ETS1: variants seen among roughly 807,000 people sequenced by gnomAD.
ETS1 encodes the protein ETS proto-oncogene 1, transcription factor.
In ETS1, 15 loss-of-function variants were observed where a neutral mutation model predicts 58.6. That is an observed-to-expected ratio of 0.26 (90% confidence interval 0.17 to 0.39). ETS1 has a LOEUF of 0.39. Ranked by LOEUF, ETS1 falls within the 10% of genes least tolerant of loss-of-function variation. The pLI, the probability that ETS1 is intolerant of heterozygous loss-of-function variation, is 1.00. For synonymous variants in ETS1, 214 were observed against 218.2 expected (o/e 0.98, Z 0.17); for missense variants, 417 against 610.5 (o/e 0.68, Z 3.34).
intron 3 of ETS1, among the ~76,000 whole-genome samples, chr11:128,531,298 G>A (rs974183350): frequency 3.3e-5 from 5 of 152,174 alleles, no homozygotes; most frequent in Non-Finnish European, 5.9e-5. Flanking sequence ...TCACAGAGTT[G>A]AACTGAGATG....
chr11:128,577,953 TCTAAG>T (rs1444083215), intron 1 of ETS1, among the ~76,000 whole-genome samples: 1 of 150,178 alleles, frequency 6.7e-6, no homozygotes, highest in African/African-American at 2.4e-5. Context: ...AAGATGCTTC[TCTAAG>T]CACCCTCATC....
intron 4 of ETS1, 89 bp from the exon 5 acceptor site, chr11:128,489,579 A>G (rs1862739870): frequency 4.0e-6 from 4 of 996,276 alleles, no homozygotes; most frequent in Non-Finnish European, 6.4e-6. Context: ...AGCTGAATTT[A>G]GCTGAGAATG....
intron 4 of ETS1, 39 bp from the exon 5 acceptor site, chr11:128,489,529 C>G (rs370011063): frequency 4.3e-5 from 66 of 1,530,228 alleles, no homozygotes; most frequent in Non-Finnish European, 5.9e-5. Context: ...GCAGGTCGGG[C>G]TTTTAACTCC....
At chr11:128,583,320 T>C (rs1197820033) in intron 1 of ETS1, among the ~76,000 whole-genome samples, 1 of 152,156 alleles carries the variant, frequency 6.6e-6, no homozygotes, top group East Asian at 1.9e-4. Context: ...GAGAATTGAG[T>C]AGCTCAGGAC....
chr11:128,465,848 T>G (rs1396810199), intron 8 of ETS1, among the ~76,000 whole-genome samples: 1 of 152,214 alleles, frequency 6.6e-6, no homozygotes, highest in Non-Finnish European at 1.5e-5. Context: ...GTTGTGCTAT[T>G]TGTTTCTACC....
chr11:128,522,196 G>T (rs184469921), intron 3 of ETS1: 3 of 1,239,724 alleles, frequency 2.4e-6, no homozygotes, highest in Non-Finnish European at 3.0e-6. Flanking sequence ...GGCACTTTGC[G>T]GCGAAGTGAG....
Position 128,584,987 on chromosome 11 carries a change from A to AAAGGAAAGAAAGG in ETS1, c.-15+2500_-15+2501insCCTTTCTTTCCTT, listed in dbSNP as rs1555092908. 1.4e-4 allele frequency among the ~76,000 whole-genome samples: 7 copies of AAAGGAAAGAAAGG among 51,224 alleles called. 1 individual carries two copies. The highest frequency in any genetic ancestry group is 7.3e-4 in the African/African-American group (7 of 9,546). The allele number at this position is 51,224 out of a possible 152,430, so 33.6% of individuals were successfully genotyped here. On this transcript the variant is annotated intron_variant, in intron 1 of 9. Transcript: ENST00000392668. Reference sequence around the variant, plus strand: ...GAAAGAAAGAAAGAAAGAAAGAAAGAAAGGAAGGAAGGAAGGAAAGAAAGG... The same window carrying AAAGGAAAGAAAGG: ...GAAAGAAAGAAAGAAAGAAAGAAAGAAAGGAAAGAAAGGAAGGAAGGAAGGAAGGAAAGAAAGG...
intron 3 of ETS1, among the ~76,000 whole-genome samples, chr11:128,535,811 C>A (rs2135536604): frequency 6.6e-6 from 1 of 152,282 alleles, no homozygotes; most frequent in African/African-American, 2.4e-5. Flanking sequence ...TGGGCACCTT[C>A]CAGATAGAAA....
chr11:128,476,538 A>G (rs1366034184), intron 8 of ETS1, among the ~76,000 whole-genome samples: 2 of 152,252 alleles, frequency 1.3e-5, no homozygotes, highest in Non-Finnish European at 2.9e-5. Context: ...TTCATCATCT[A>G]TGAAATGGGA....
chr11:128,486,495 C>T (rs189534636), intron 5 of ETS1, among the ~76,000 whole-genome samples: 1 of 152,338 alleles, frequency 6.6e-6, no homozygotes, highest in African/African-American at 2.4e-5. Flanking sequence ...GGCTTGAGTA[C>T]ATCCCAGGTT....
chr11:128,506,607 G>C (rs1358021136), intron 3 of ETS1, among the ~76,000 whole-genome samples: 1 of 152,128 alleles, frequency 6.6e-6, no homozygotes, highest in Non-Finnish European at 1.5e-5. Flanking sequence ...AGGCGGGCAA[G>C]GTGTCCAGGA....
At chr11:128,477,339 T>G (rs1464374758) in intron 8 of ETS1, among the ~76,000 whole-genome samples, 1 of 152,214 alleles carries the variant, frequency 6.6e-6, no homozygotes, top group Non-Finnish European at 1.5e-5. Flanking sequence ...AGCAATAAAA[T>G]GTATTGCCAA....
intron 3 of ETS1, among the ~76,000 whole-genome samples, chr11:128,555,452 T>C (rs972771630): frequency 3.3e-5 from 5 of 152,206 alleles, no homozygotes; most frequent in African/African-American, 1.2e-4. Context: ...AGTAATGACA[T>C]TTTTATGCTA....
chr11:128,553,316 T>A (rs1399672368), intron 3 of ETS1, among the ~76,000 whole-genome samples: 1 of 152,224 alleles, frequency 6.6e-6, no homozygotes, highest in Non-Finnish European at 1.5e-5. Flanking sequence ...GGCAATTGCA[T>A]GCAAATGTGG....
At chr11:128,478,336 A>C (rs1193946922) in intron 8 of ETS1, among the ~76,000 whole-genome samples, 2 of 45,416 alleles carry the variant, frequency 4.4e-5, no homozygotes, top group African/African-American at 6.0e-5. Context: ...GGAAGGAAGG[A>C]AGGAGGAAGG....
At chr11:128,578,844 T>C (rs189987117) in intron 1 of ETS1, among the ~76,000 whole-genome samples, 9 of 152,364 alleles carry the variant, frequency 5.9e-5, no homozygotes, top group African/African-American at 1.7e-4. Flanking sequence ...TATTCTATTG[T>C]ATGTATATAT....
intron 3 of ETS1, among the ~76,000 whole-genome samples, chr11:128,533,654 G>C (rs1172111218): frequency 6.6e-6 from 1 of 152,212 alleles, no homozygotes. Flanking sequence ...CCTCTGTCAA[G>C]ACTCAGCAGT....
intron 3 of ETS1, among the ~76,000 whole-genome samples, chr11:128,514,896 C>G (rs187331565): frequency 6.6e-6 from 1 of 152,132 alleles, no homozygotes; most frequent in Non-Finnish European, 1.5e-5. Flanking sequence ...CACTTAAATT[C>G]GTTCATCTTT....
At chr11:128,467,630 A>G (rs1862073568) in intron 8 of ETS1, among the ~76,000 whole-genome samples, 1 of 151,998 alleles carries the variant, frequency 6.6e-6, no homozygotes, top group Admixed American at 6.6e-5. Context: ...TAGAGCAGAA[A>G]ACGGTACTAA....
Sources: gnomAD v4.1 joint callset for allele counts (sites outside exome capture counted in the v4.1 genomes callset) on GRCh38, gnomAD v4.1.1 for gene constraint, MANE v1.5 for transcripts, NCBI Gene and HGNC (gene_info 2026-07-23, HGNC 2026-07-21) for gene names.